KCNH7: variants seen among roughly 807,000 people sequenced by gnomAD.
KCNH7 encodes the protein potassium voltage-gated channel subfamily H member 7, also known as voltage-gated inwardly rectifying potassium channel KCNH7.
KCNH7 carries 49 observed loss-of-function variants against 120.8 expected under a neutral mutation model. The observed-to-expected ratio is 0.41, with a 90% CI of 0.32 to 0.51. The LOEUF is 0.51. Ranked by LOEUF, KCNH7 falls within the 20% of genes least tolerant of loss-of-function variation. The probability of loss-of-function intolerance (pLI) is 0.38; values close to 1 mark genes in which losing one functional copy is unlikely to be tolerated. For synonymous variants in KCNH7, 547 were observed against 516.1 expected (o/e 1.06, Z -0.81); for missense variants, 1,097 against 1,446.6 (o/e 0.76, Z 3.92).
chr2:162,461,651 T>C (rs1478076426), intron 6 of KCNH7, among the ~76,000 whole-genome samples: 1 of 152,200 alleles, frequency 6.6e-6, no homozygotes, highest in African/African-American at 2.4e-5. Flanking sequence ...GCTAGTAAGA[T>C]AAAAATGTTT....
chr2:162,438,636 T>C (rs1307142344), intron 7 of KCNH7, among the ~76,000 whole-genome samples: 4 of 152,172 alleles, frequency 2.6e-5, no homozygotes, highest in Non-Finnish European at 4.4e-5. Flanking sequence ...AAAGCTATTC[T>C]CTTGTAATTC....
At chr2:162,422,542 T>C (rs1245865808) in intron 9 of KCNH7, among the ~76,000 whole-genome samples, 1 of 152,154 alleles carries the variant, frequency 6.6e-6, no homozygotes, top group Non-Finnish European at 1.5e-5. Flanking sequence ...GTATAATTTA[T>C]TTAGCAATCA....
At chr2:162,752,948 GAAAAGAAAAGA>G (rs1688630923) in intron 2 of KCNH7, among the ~76,000 whole-genome samples, 16 of 103,248 alleles carry the variant, frequency 1.5e-4, no homozygotes, top group Admixed American at 1.0e-3. Flanking sequence ...GAAAAGAAAA[GAAAAGAAAAGA>G]AAAGAAAAGA....
chr2:162,714,442 C>T (rs1687039134), intron 2 of KCNH7, among the ~76,000 whole-genome samples: 1 of 152,166 alleles, frequency 6.6e-6, no homozygotes, highest in South Asian at 2.1e-4. Flanking sequence ...AAAGCAGGTA[C>T]ATTAACAATA....
At chr2:162,805,847 AAT>A (rs1293782644) in intron 2 of KCNH7, among the ~76,000 whole-genome samples, 1 of 152,140 alleles carries the variant, frequency 6.6e-6, no homozygotes, top group Non-Finnish European at 1.5e-5. Flanking sequence ...CCCATTCACC[AAT>A]GAGTGGAAAA....
At chr2:162,689,216 T>A (rs771592198) in intron 2 of KCNH7, among the ~76,000 whole-genome samples, 9 of 152,082 alleles carry the variant, frequency 5.9e-5, no homozygotes, top group Non-Finnish European at 1.0e-4. Context: ...AAAGGCACGA[T>A]CTCGGCTCAC....
intron 2 of KCNH7, among the ~76,000 whole-genome samples, chr2:162,689,749 T>C (rs1367492293): frequency 2.6e-5 from 4 of 152,166 alleles, no homozygotes; most frequent in Non-Finnish European, 4.4e-5. Flanking sequence ...TATTGAGTTT[T>C]AGTTCTAGGC....
intron 2 of KCNH7, among the ~76,000 whole-genome samples, chr2:162,628,558 C>A (rs1683640296): frequency 6.6e-6 from 1 of 152,060 alleles, no homozygotes; most frequent in African/African-American, 2.4e-5. Flanking sequence ...AGCCTAGTAA[C>A]CATTAATTAT....
chr2:162,444,561 C>A (rs1558948502), intron 7 of KCNH7, among the ~76,000 whole-genome samples: 1 of 152,058 alleles, frequency 6.6e-6, no homozygotes. Context: ...ATTTTTAGTG[C>A]ATTTTAAAAT....
chr2:162,431,873 C>G (rs988287498), intron 8 of KCNH7, among the ~76,000 whole-genome samples: 2 of 151,564 alleles, frequency 1.3e-5, no homozygotes, highest in African/African-American at 4.8e-5. Flanking sequence ...CCTAAAATTC[C>G]CTGATTGAGG....
chr2:162,479,527 G>A (rs13422692), intron 6 of KCNH7, among the ~76,000 whole-genome samples: 1 of 151,918 alleles, frequency 6.6e-6, no homozygotes, highest in South Asian at 2.1e-4. Flanking sequence ...ATATATTTTG[G>A]TTCTTGTTTA....
chr2:162,726,695 C>T (rs1366757931), intron 2 of KCNH7, among the ~76,000 whole-genome samples: 1 of 152,214 alleles, frequency 6.6e-6, no homozygotes, highest in Non-Finnish European at 1.5e-5. Flanking sequence ...GCCAGGATAA[C>T]AGCCGTGAGA....
intron 2 of KCNH7, among the ~76,000 whole-genome samples, chr2:162,575,891 G>A (rs1467184032): frequency 1.3e-5 from 2 of 152,050 alleles, no homozygotes; most frequent in Non-Finnish European, 2.9e-5. Flanking sequence ...CCATGTAGCT[G>A]TAAAATTAAA....
chr2:162,494,534 G>C (rs1309808420), intron 6 of KCNH7, among the ~76,000 whole-genome samples: 1 of 152,078 alleles, frequency 6.6e-6, no homozygotes, highest in Non-Finnish European at 1.5e-5. Flanking sequence ...TTCCAAAATT[G>C]TATGGGATGT....
At chr2:162,815,546 T>G (rs1483585869) in intron 2 of KCNH7, among the ~76,000 whole-genome samples, 1 of 152,058 alleles carries the variant, frequency 6.6e-6, no homozygotes, top group South Asian at 2.1e-4. Flanking sequence ...TAAAAGAAAG[T>G]GAGAAACAAT....
intron 9 of KCNH7, among the ~76,000 whole-genome samples, chr2:162,414,969 CTA>C (rs953323180): frequency 1.3e-4 from 20 of 151,990 alleles, no homozygotes; most frequent in African/African-American, 4.3e-4. Flanking sequence ...TATCCAGACT[CTA>C]GAGTCCCACC....
intron 2 of KCNH7, among the ~76,000 whole-genome samples, chr2:162,728,837 T>A (rs1687620065): frequency 6.6e-6 from 1 of 152,130 alleles, no homozygotes. Flanking sequence ...TATTTTAAAA[T>A]TCATGGTAAT....
chr2:162,454,203 A>T lies in KCNH7; in HGVS notation c.1129-7760T>A, dbSNP rs530874672. ...GCCAGTTTTCCCAGCACTATTTATGAAACAGGGAATCCTTTCCTCATTGCT... is the reference window on the plus strand; with the variant it reads ...GCCAGTTTTCCCAGCACTATTTATGTAACAGGGAATCCTTTCCTCATTGCT... On this transcript the variant is annotated intron_variant, in intron 6 of 15. Transcript: ENST00000332142. Among the ~76,000 whole-genome samples the T allele has an allele frequency of 2.0e-5, 3 of 152,284 alleles. No homozygotes were observed. In the East Asian group the frequency reaches 5.8e-4, roughly 29 times the overall value.
intron 2 of KCNH7, among the ~76,000 whole-genome samples, chr2:162,579,573 C>G (rs1482835844): frequency 6.6e-6 from 1 of 152,022 alleles, no homozygotes; most frequent in Non-Finnish European, 1.5e-5. Context: ...TGTAGGGCCT[C>G]TCATCCTTGG....
Sources: gnomAD v4.1 joint callset for allele counts (sites outside exome capture counted in the v4.1 genomes callset) on GRCh38, gnomAD v4.1.1 for gene constraint, MANE v1.5 for transcripts, NCBI Gene and HGNC (gene_info 2026-07-23, HGNC 2026-07-21) for gene names.